Variants in FGL1 observed in about 807,000 individuals in gnomAD.
FGL1 encodes fibrinogen like 1.
FGL1 carries 59 observed loss-of-function variants against 43.7 expected under a neutral mutation model. The ratio of observed to expected loss-of-function variants is 1.35; its 90% confidence interval spans 1.10 to 1.68. The LOEUF is 1.68. Among genes scored for constraint, FGL1 ranks in the 40% most tolerant of loss-of-function variants. The probability of loss-of-function intolerance (pLI) is 0.00; values close to 1 mark genes in which losing one functional copy is unlikely to be tolerated. For synonymous variants in FGL1, 192 were observed against 126.5 expected (o/e 1.52, Z -3.48); for missense variants, 596 against 373.0 (o/e 1.60, Z -4.92).
At chr8:17,883,409 A>G (rs527924916) in intron 2 of FGL1, among the ~76,000 whole-genome samples, 1 of 115,840 alleles carries the variant, frequency 8.6e-6, no homozygotes, top group South Asian at 2.6e-4. Flanking sequence ...TATAATATAT[A>G]TTACAAAATA....
chr8:17,864,671 G>C lies in FGL1; in HGVS notation c.860C>G (p.Thr287Ser). 1.2e-6 allele frequency: 2 copies of C among 1,613,660 alleles called. No individual in the cohort carries two copies. The highest frequency in any genetic ancestry group is 1.7e-6 in the Non-Finnish European group (2 of 1,179,874). The change falls in exon 8 of 8, where the codon ACC (threonine) becomes AGC (serine). Residue 287 changes from threonine (T) to serine (S), a missense_variant. Transcript: ENST00000427924. The stretch of plus-strand genomic sequence containing the variant: ...CAGAGAATACCACCACCCATGCCAG[G>C]TGTACCAGACAATCCCATTGTCTGT... ...AKTDNGIVWY[T>S]WHGWWYSLKS... is the part of the protein sequence containing the mutation.
intron 1 of FGL1, among the ~76,000 whole-genome samples, chr8:17,891,070 G>A (rs1238913494): frequency 6.6e-6 from 1 of 152,144 alleles, no homozygotes; most frequent in African/African-American, 2.4e-5. Flanking sequence ...TAATATATGT[G>A]TTTATTGTCT....
At chr8:17,873,788 T>C (rs76453057) in intron 5 of FGL1, among the ~76,000 whole-genome samples, 1 of 150,778 alleles carries the variant, frequency 6.6e-6, no homozygotes, top group African/African-American at 2.4e-5. Flanking sequence ...ATATTTCTCA[T>C]AAATATATAT....
At chr8:17,882,824 A>G (rs2053559975) in intron 2 of FGL1, among the ~76,000 whole-genome samples, 1 of 120,946 alleles carries the variant, frequency 8.3e-6, no homozygotes, top group Non-Finnish European at 1.6e-5. Flanking sequence ...AATATATCAT[A>G]TATAATATAT....
chr8:17,877,560 G>A (rs545939441), intron 3 of FGL1, among the ~76,000 whole-genome samples: 15 of 152,152 alleles, frequency 9.9e-5, no homozygotes, highest in African/African-American at 3.6e-4. Flanking sequence ...AGCATGTTGG[G>A]ATATGCGAGA....
Position 17,874,059 on chromosome 8 carries a change from A to G in FGL1, c.462T>C (p.Tyr154=), listed in dbSNP as rs1410418427. The G allele has an allele frequency of 1.2e-6, 2 of 1,612,020 alleles. No individual in the cohort carries two copies. The highest frequency in any genetic ancestry group is 1.7e-6 in the Non-Finnish European group (2 of 1,179,594). ...AGTGAAGATTTTTATTGCCCAGCCA[A>G]TATTCACCATGTTTTTGGACAAAAT... ...FGNFVQKHGE[Y]WLGNKNLHFL... Residue 154 remains tyrosine, a synonymous_variant, in exon 5 of 8, where the codon TAT becomes TAC. Transcript: ENST00000427924.
chr8:17,882,331 A>C lies in FGL1; in HGVS notation c.64-152T>G, dbSNP rs534445564. Reference sequence around the variant, plus strand: ...AGAGAAAGTGGCTTGAAAAGTTCTAATACTGCCTACTATTTGAAGAATTGG... The same window carrying C: ...AGAGAAAGTGGCTTGAAAAGTTCTACTACTGCCTACTATTTGAAGAATTGG... On this transcript the variant is annotated intron_variant, in intron 2 of 7. Transcript: ENST00000427924. The C allele has an allele frequency of 1.0e-3, 683 of 685,872 alleles. 5 individuals carry two copies. The African/African-American group carries it at 0.012, about 12-fold the overall frequency. The allele number at this position is 685,872 out of a possible 1,614,324, so 42.5% of individuals were successfully genotyped here.
intron 1 of FGL1, chr8:17,891,741 GA>G (rs1463221343): frequency 2.0e-6 from 2 of 983,196 alleles, no homozygotes; most frequent in Non-Finnish European, 2.4e-6. Flanking sequence ...TTGCTTATGG[GA>G]GATCAAATTC....
intron 1 of FGL1, among the ~76,000 whole-genome samples, chr8:17,892,396 T>C (rs2053717888): frequency 6.6e-6 from 1 of 151,836 alleles, no homozygotes; most frequent in South Asian, 2.1e-4. Context: ...TCCCCGAGAC[T>C]AGAACATGCA....
At chr8:17,890,776 C>T (rs969235216) in intron 1 of FGL1, among the ~76,000 whole-genome samples, 2 of 152,132 alleles carry the variant, frequency 1.3e-5, no homozygotes, top group African/African-American at 4.8e-5. Flanking sequence ...TCCTTCTTCA[C>T]ATGATGGCAG....
intron 1 of FGL1, among the ~76,000 whole-genome samples, chr8:17,886,784 G>C (rs1003266559): frequency 7.3e-4 from 11 of 15,094 alleles, no homozygotes; most frequent in African/African-American, 3.7e-3. Context: ...GAGGAGAAGA[G>C]AGGAGAGGAG....
chr8:17,892,010 C>T (rs1030036016), intron 1 of FGL1, among the ~76,000 whole-genome samples: 2 of 152,142 alleles, frequency 1.3e-5, no homozygotes, highest in African/African-American at 2.4e-5. Context: ...CTCACTGGGC[C>T]AAGGTCATTA....
chr8:17,871,464 G>C (rs960178315), intron 5 of FGL1, among the ~76,000 whole-genome samples: 5 of 143,806 alleles, frequency 3.5e-5, no homozygotes, highest in African/African-American at 1.0e-4. Context: ...CTGCACTCCA[G>C]CTTGGGCAAC....
At position 17,868,616 on chromosome 8, in the gene FGL1, C is replaced by T; in HGVS notation, c.711G>A (p.Trp237Ter). The T allele has an allele frequency of 2.5e-6, 4 of 1,614,054 alleles. No homozygotes were observed. Among genetic ancestry groups the T allele is most frequent in the Non-Finnish European group, 3.4e-6 (4 of 1,180,004 alleles). The part of the protein sequence containing the change: ...ASHQRMKFST[W>*]DRDHDNYEGN... ...CTTCATAGTTGTCATGATCTCTGTC[C>T]CACGTGCTGAATTTCATTCTTTGGT... The change falls in exon 7 of 8, where the codon TGG becomes TGA. Residue 237 changes from tryptophan (W) to a stop codon, truncating the protein, a stop_gained. Coordinates refer to ENST00000427924, the MANE Select transcript of FGL1 (RefSeq NM_004467.4). LOFTEE classifies it high-confidence loss of function.
chr8:17,877,292 G>T (rs1231152363), intron 3 of FGL1, among the ~76,000 whole-genome samples: 1 of 152,042 alleles, frequency 6.6e-6, no homozygotes, highest in African/African-American at 2.4e-5. Flanking sequence ...AGAGGCCAAG[G>T]CATCCTGCCT....
intron 3 of FGL1, among the ~76,000 whole-genome samples, chr8:17,881,193 G>C (rs2053530379): frequency 6.7e-6 from 1 of 149,318 alleles, no homozygotes; most frequent in East Asian, 2.0e-4. Flanking sequence ...CTGGAGTGCA[G>C]TGGCACGATC....
At chr8:17,892,119 A>C (rs990885466) in intron 1 of FGL1, among the ~76,000 whole-genome samples, 1 of 152,166 alleles carries the variant, frequency 6.6e-6, no homozygotes, top group African/African-American at 2.4e-5. Context: ...GTTGCTTTTT[A>C]AATTTGTACC....
At chr8:17,887,732 G>A (rs887921919) in intron 1 of FGL1, among the ~76,000 whole-genome samples, 5 of 152,012 alleles carry the variant, frequency 3.3e-5, no homozygotes, top group Non-Finnish European at 7.4e-5. Context: ...CAAATTGGGA[G>A]GCTGAGGCAG....
chr8:17,890,006 A>G (rs763721024), intron 1 of FGL1, among the ~76,000 whole-genome samples: 3 of 152,350 alleles, frequency 2.0e-5, no homozygotes, highest in African/African-American at 7.2e-5. Context: ...TCCCATGTTA[A>G]TACATTAATG....
Sources: allele counts gnomAD v4.1 joint callset (sites outside exome capture counted in the v4.1 genomes callset), GRCh38; gene constraint gnomAD v4.1.1; transcripts MANE v1.5; gene names NCBI Gene and HGNC (gene_info 2026-07-23, HGNC 2026-07-21).